DLGAP2: variants seen among roughly 807,000 people sequenced by gnomAD.
The protein encoded by DLGAP2 is disks large-associated protein 2.
DLGAP2 carries 26 observed loss-of-function variants against 100.3 expected under a neutral mutation model. The ratio of observed to expected loss-of-function variants is 0.26; its 90% CI spans 0.19 to 0.36. The LOEUF is 0.36. Among genes scored for constraint, DLGAP2 ranks in the 10% least tolerant of loss-of-function variants. DLGAP2 has a pLI of 1.00. For missense variants in DLGAP2, 1,858 were observed against 1,453.2 expected (o/e 1.28, Z -4.53); for synonymous variants, 886 against 630.1 (o/e 1.41, Z -6.08).
rs116124657 is a variant in DLGAP2, at chr8:1,688,902, T to C, written c.2705-2633T>C. 4.0e-3 allele frequency among the ~76,000 whole-genome samples: 608 copies of C among 152,324 alleles called. 6 individuals carry two copies. The highest frequency in any genetic ancestry group is 0.014 in the African/African-American group (569 of 41,562). ...TTATCTCTGCAACGTCATTTTCAAC[T>C]GGCTCATAGCATTTTATTACATGAA... On this transcript the variant is annotated intron_variant, in intron 12 of 14. Coordinates refer to ENST00000637795, the MANE Select transcript of DLGAP2 (RefSeq NM_001346810.2).
chr8:761,329 A>T (rs1038795995), intron 1 of DLGAP2, among the ~76,000 whole-genome samples: 2 of 152,190 alleles, frequency 1.3e-5, no homozygotes, highest in Non-Finnish European at 2.9e-5. Context: ...GGGGGTTTGA[A>T]GGAAGAGGAG....
intron 2 of DLGAP2, among the ~76,000 whole-genome samples, chr8:1,081,501 G>A (rs764986256): frequency 3.3e-5 from 5 of 152,144 alleles, no homozygotes; most frequent in South Asian, 2.1e-4. Context: ...ACAGGCCCCC[G>A]TCACCACGCC....
At position 1,123,755 on chromosome 8, in the gene DLGAP2, C is replaced by A. The variant is rs960643278; in HGVS notation, c.74-135096C>A. Among the ~76,000 whole-genome samples, 5 of 152,288 alleles carry A rather than the reference C, an allele frequency of 3.3e-5. No homozygotes were observed. In the South Asian group the frequency reaches 6.2e-4, roughly 19 times the overall value. ...TCTCTCCCTGCCTTTCTCTCACCAC[C>A]TTCCTGACTCCCTTTAGGAATAAAA... On this transcript the variant is annotated intron_variant, in intron 2 of 14. Coordinates refer to ENST00000637795, the MANE Select transcript of DLGAP2 (RefSeq NM_001346810.2).
chr8:1,337,454 T>C (rs2117073878), intron 3 of DLGAP2, among the ~76,000 whole-genome samples: 2 of 149,872 alleles, frequency 1.3e-5, no homozygotes, highest in African/African-American at 2.4e-5. Flanking sequence ...ATGGTGATGA[T>C]GGTGAGAATG....
At chr8:1,506,272 A>G (rs919989440) in intron 4 of DLGAP2, among the ~76,000 whole-genome samples, 3 of 152,160 alleles carry the variant, frequency 2.0e-5, no homozygotes, top group African/African-American at 7.2e-5. Context: ...TATACTTGTC[A>G]TTTTATCGTC....
At chr8:1,424,963 C>A (rs1186612501) in intron 3 of DLGAP2, among the ~76,000 whole-genome samples, 1 of 152,070 alleles carries the variant, frequency 6.6e-6, no homozygotes, top group Non-Finnish European at 1.5e-5. Context: ...GATGGCTGCA[C>A]AACAATGAGA....
intron 1 of DLGAP2, among the ~76,000 whole-genome samples, chr8:806,702 C>A (rs1230579001): frequency 2.6e-5 from 4 of 152,196 alleles, no homozygotes; most frequent in African/African-American, 9.7e-5. Flanking sequence ...TCAGAGAAGT[C>A]GTGATGGATT....
At chr8:1,323,222 G>A (rs1455737008) in intron 3 of DLGAP2, among the ~76,000 whole-genome samples, 1 of 151,912 alleles carries the variant, frequency 6.6e-6, no homozygotes, top group East Asian at 1.9e-4. Flanking sequence ...TGGAGACAGG[G>A]TTTCATTGTG....
intron 2 of DLGAP2, among the ~76,000 whole-genome samples, chr8:1,158,818 T>G (rs1796839935): frequency 1.3e-5 from 2 of 152,228 alleles, no homozygotes; most frequent in African/African-American, 4.8e-5. Flanking sequence ...GTTTTTTTTC[T>G]TGTGTGTTGG....
intron 1 of DLGAP2, among the ~76,000 whole-genome samples, chr8:890,507 C>T (rs1379490936): frequency 6.6e-6 from 1 of 151,940 alleles, no homozygotes; most frequent in African/African-American, 2.4e-5. Flanking sequence ...TTCCTCTGCT[C>T]CGCCTTGCCA....
intron 6 of DLGAP2, among the ~76,000 whole-genome samples, chr8:1,588,556 G>C (rs1485796811): frequency 4.6e-5 from 7 of 152,032 alleles, no homozygotes; most frequent in African/African-American, 1.5e-4. Context: ...GGACTGAATA[G>C]ATAAATAAAA....
chr8:771,867 T>G (rs372773729), intron 1 of DLGAP2, among the ~76,000 whole-genome samples: 12 of 152,230 alleles, frequency 7.9e-5, no homozygotes, highest in African/African-American at 2.9e-4. Context: ...TGATTGTGTC[T>G]GGTGGGGACA....
chr8:1,469,738 A>C (rs937929127), intron 3 of DLGAP2, among the ~76,000 whole-genome samples: 34 of 152,168 alleles, frequency 2.2e-4, no homozygotes, highest in Non-Finnish European at 5.0e-4. Context: ...GCCCTAAATA[A>C]AACCAACCCC....
At chr8:1,418,165 C>G (rs1205454764) in intron 3 of DLGAP2, among the ~76,000 whole-genome samples, 1 of 152,178 alleles carries the variant, frequency 6.6e-6, no homozygotes, top group Non-Finnish European at 1.5e-5. Flanking sequence ...TCCTTCCGAA[C>G]CATTTTCAAA....
At chr8:1,374,301 T>G (rs1319582151) in intron 3 of DLGAP2, among the ~76,000 whole-genome samples, 3 of 151,718 alleles carry the variant, frequency 2.0e-5, no homozygotes, top group African/African-American at 7.3e-5. Context: ...AGGTGGGGCC[T>G]TCTCCCTGCC....
chr8:1,427,834 G>A (rs1797278918), intron 3 of DLGAP2, among the ~76,000 whole-genome samples: 1 of 152,116 alleles, frequency 6.6e-6, no homozygotes, highest in South Asian at 2.1e-4. Flanking sequence ...GCCCAGTCTT[G>A]GGTATGTCTT....
intron 2 of DLGAP2, among the ~76,000 whole-genome samples, chr8:1,041,837 G>C (rs1230094786): frequency 6.6e-6 from 1 of 152,056 alleles, no homozygotes; most frequent in Non-Finnish European, 1.5e-5. Flanking sequence ...CTTGCCGTGG[G>C]TCAGCGTTCT....
intron 3 of DLGAP2, among the ~76,000 whole-genome samples, chr8:1,294,735 G>C (rs1053495983): frequency 1.3e-5 from 2 of 152,122 alleles, no homozygotes; most frequent in South Asian, 4.2e-4. Context: ...TGGGTGTGGT[G>C]GTGCACACGT....
intron 3 of DLGAP2, among the ~76,000 whole-genome samples, chr8:1,439,810 G>C (rs982825020): frequency 2.0e-5 from 3 of 152,116 alleles, no homozygotes; most frequent in Non-Finnish European, 4.4e-5. Flanking sequence ...ACAGGGCCTG[G>C]CATTTGAGGG....
Sources: gnomAD v4.1 joint callset for allele counts (sites outside exome capture counted in the v4.1 genomes callset) on GRCh38, gnomAD v4.1.1 for gene constraint, MANE v1.5 for transcripts, NCBI Gene and HGNC (gene_info 2026-07-23, HGNC 2026-07-21) for gene names.